The following ADGRE3 variants were observed in gnomAD, a reference collection of about 807,000 sequenced individuals.
The protein encoded by ADGRE3 is adhesion G protein-coupled receptor E3, also known as EGF-like module receptor 3.
ADGRE3 carries 88 observed loss-of-function variants against 80.1 expected under a neutral mutation model. The ratio of observed to expected loss-of-function variants is 1.10; its 90% CI spans 0.93 to 1.31. The LOEUF (loss-of-function observed/expected upper bound fraction) is 1.31. Ranked by LOEUF, ADGRE3 falls within the 40% of genes most tolerant of loss-of-function variation. The probability of loss-of-function intolerance (pLI) is 0.00; values close to 1 mark genes in which losing one functional copy is unlikely to be tolerated. For missense variants in ADGRE3, 715 were observed against 776.5 expected (o/e 0.92, Z 0.94); for synonymous variants, 281 against 294.8 (o/e 0.95, Z 0.48).
Position 14,638,040 on chromosome 19 carries a change from T to C in ADGRE3, c.1484+65A>G, listed in dbSNP as rs930499659. ...GTTACGTATATTCCCACCATCATCATGAATGCTGCCCTCAAAAGCTTTCTT... is the reference window on the plus strand; with the variant it reads ...GTTACGTATATTCCCACCATCATCACGAATGCTGCCCTCAAAAGCTTTCTT... On this transcript the variant is annotated intron_variant, in intron 11 of 15. Transcript: ENST00000253673. The C allele has an allele frequency of 5.1e-6, 6 of 1,172,038 alleles. No homozygotes were observed. In the African/African-American group the frequency reaches 6.0e-5, roughly 12 times the overall value. 72.6% of individuals were successfully genotyped at this position (1,172,038 alleles called of 1,614,324 possible). A position where few individuals can be genotyped will look rare whatever the true frequency, so the allele number is the denominator to read the frequency against.
the ADGRE3 span, among the ~76,000 whole-genome samples, chr19:14,609,188 C>T: frequency 9.9e-5 from 15 of 152,268 alleles, no homozygotes; most frequent in African/African-American, 3.6e-4. Context: ...AGACACTACC[C>T]AACTCCACTG....
Position 14,662,086 on chromosome 19 carries a change from A to G in ADGRE3, c.232T>C (p.Tyr78His). 6.2e-7 allele frequency: 1 copy of G among 1,614,186 alleles called. No individual in the cohort carries two copies. Among genetic ancestry groups the G allele is most frequent in the Non-Finnish European group, 8.5e-7 (1 of 1,180,020 alleles). Residue 78 changes from tyrosine to histidine, a missense_variant, in exon 4 of 16, where the codon TAT (tyrosine) becomes CAT (histidine). Tyr to His is a moderately conservative substitution (Grantham distance 83). Transcript: ENST00000253673. The stretch of plus-strand genomic sequence containing the variant: ...TAACACACAGCGTTAAATCCACAAT[A>G]TACACTATAGGGTGGTGTACATTCA... ...INECTPPYSV[Y>H]CGFNAVCYNV...
the ADGRE3 span, among the ~76,000 whole-genome samples, chr19:14,611,472 G>A: frequency 4.0e-5 from 6 of 150,318 alleles, no homozygotes; most frequent in East Asian, 1.2e-3. Context: ...CTGCCTCCTG[G>A]GCTCGAGTGA....
At chr19:14,606,903 C>A in the ADGRE3 span, 1 of 535,124 alleles carries the variant, frequency 1.9e-6, no homozygotes, top group Non-Finnish European at 2.8e-6. Flanking sequence ...CGTTCCCAAG[C>A]CCTAAATATG....
At chr19:14,637,442 G>A (rs144560687) in intron 11 of ADGRE3, among the ~76,000 whole-genome samples, 1 of 149,514 alleles carries the variant, frequency 6.7e-6, no homozygotes, top group African/African-American at 2.5e-5. Flanking sequence ...CACCCAGGCT[G>A]GAATGTAGTG....
rs1015180201 is a variant in ADGRE3, at chr19:14,644,329, T to C, written c.883-54A>G. ...TGTCTTTGTCTTTCTTTCTTTCTTT[T>C]TTTTTTTTGGAGACAAAATCTTGCT... On this transcript the variant is annotated intron_variant, in intron 8 of 15. Transcript: ENST00000253673. 8 of 1,331,588 alleles carry C rather than the reference T, an allele frequency of 6.0e-6. No homozygotes were observed. The African/African-American group carries it at 6.1e-5, about 10-fold the overall frequency. The allele number at this position is 1,331,588 out of a possible 1,614,324, so 82.5% of individuals were successfully genotyped here.
rs201992517 is a variant in ADGRE3, at chr19:14,638,379, G to T, written c.1249-39C>A. 1.7e-4 allele frequency: 258 copies of T among 1,503,266 alleles called. 2 individuals carry two copies. The highest frequency in any genetic ancestry group is 6.8e-4 in the Middle Eastern group (4 of 5,862). The allele number at this position is 1,503,266 out of a possible 1,614,324, so 93.1% of individuals were successfully genotyped here. On this transcript the variant is annotated intron_variant, in intron 10 of 15. Coordinates refer to ENST00000253673, the MANE Select transcript of ADGRE3 (RefSeq NM_032571.5). Reference sequence around the variant, plus strand: ...AAGGGATGCCTGAAGGGGTTGTCAGGGTGGAGTATGGCCCTAGGACCTCTC... The same window carrying T: ...AAGGGATGCCTGAAGGGGTTGTCAGTGTGGAGTATGGCCCTAGGACCTCTC...
the ADGRE3 span, among the ~76,000 whole-genome samples, chr19:14,611,853 A>G: frequency 6.6e-6 from 1 of 152,010 alleles, no homozygotes; most frequent in African/African-American, 2.4e-5. Context: ...AATACAAAAA[A>G]ATTAGCTGGG....
intron 2 of ADGRE3, among the ~76,000 whole-genome samples, chr19:14,667,181 G>A (rs1001704139): frequency 6.6e-6 from 1 of 152,098 alleles, no homozygotes; most frequent in African/African-American, 2.4e-5. Flanking sequence ...AGGAAATGTG[G>A]CTGCTGGTGG....
chr19:14,657,392 G>C (rs925887251), intron 5 of ADGRE3, among the ~76,000 whole-genome samples: 1 of 152,060 alleles, frequency 6.6e-6, no homozygotes, highest in Non-Finnish European at 1.5e-5. Flanking sequence ...TTTTGCAGCA[G>C]TGCAGCAGGC....
chr19:14,608,257 C>T, the ADGRE3 span, among the ~76,000 whole-genome samples: 1 of 152,148 alleles, frequency 6.6e-6, no homozygotes, highest in Admixed American at 6.6e-5. Flanking sequence ...TTCTGCTGCC[C>T]CTTGGACTTC....
chr19:14,654,420 A>G (rs1276794628), intron 6 of ADGRE3, among the ~76,000 whole-genome samples: 1 of 151,538 alleles, frequency 6.6e-6, no homozygotes, highest in Admixed American at 6.6e-5. Flanking sequence ...AAGCCACTGC[A>G]CCTGGCAAAT....
At chr19:14,603,736 G>C in the ADGRE3 span, among the ~76,000 whole-genome samples, 2 of 152,052 alleles carry the variant, frequency 1.3e-5, no homozygotes, top group Non-Finnish European at 2.9e-5. Flanking sequence ...GAAGTGCCGG[G>C]ATTACAGGAG....
At chr19:14,633,723 T>TAAA (rs1320513235) in intron 11 of ADGRE3, among the ~76,000 whole-genome samples, 4 of 128,100 alleles carry the variant, frequency 3.1e-5, no homozygotes, top group East Asian at 2.3e-4. Context: ...TAAAATAAAA[T>TAAA]AAAATAAAAT....
In ADGRE3 at chr19:14,655,000, T is replaced by C; in HGVS notation, c.559A>G (p.Ile187Val). The stretch of plus-strand genomic sequence containing the variant: ...GTCTTACCTACACTATCGTTTTGGA[T>C]TTTCAGGACTTTTTGTTCTGGATCT... ...LKDPEQKVLK[I>V]QNDSVAIETQ... is the part of the protein sequence containing the mutation. Residue 187 changes from isoleucine (I) to valine (V), a missense_variant, in exon 6 of 16, where the codon ATC becomes GTC. Physicochemically the swap from Ile to Val is conservative, Grantham distance 29. Coordinates refer to ENST00000253673, the MANE Select transcript of ADGRE3 (RefSeq NM_032571.5). 2.5e-6 allele frequency: 4 copies of C among 1,613,990 alleles called. No homozygotes were observed. In the Admixed American group the frequency reaches 6.7e-5, roughly 27 times the overall value.
In ADGRE3 at chr19:14,651,071, GC is replaced by G; in HGVS notation, c.697+13del. On this transcript the variant is annotated intron_variant, in intron 7 of 15. Transcript: ENST00000253673. ...CTCTGTGTGAAGGATTCTGAATGCA[GC>G]CATCAGGCATACCTTGTGTGTCTCC... The G allele has an allele frequency of 6.2e-7, 1 of 1,613,854 alleles. No homozygotes were observed. The highest frequency in any genetic ancestry group is 1.3e-5 in the African/African-American group (1 of 75,004).
intron 2 of ADGRE3, among the ~76,000 whole-genome samples, chr19:14,664,017 G>T (rs1378567203): frequency 6.6e-6 from 1 of 151,962 alleles, no homozygotes; most frequent in African/African-American, 2.4e-5. Context: ...GCCTCTCAAG[G>T]CTGAGGAAGC....
intron 15 of ADGRE3, among the ~76,000 whole-genome samples, chr19:14,624,892 A>T (rs2396575): frequency 0.49 from 74,247 of 151,730 alleles, 19,087 homozygotes; most frequent in South Asian, 0.62. Flanking sequence ...GGACACAGGG[A>T]GGGGAACAAC....
chr19:14,636,057 CTTCCT>C lies in ADGRE3; in HGVS notation c.1484+2043_1484+2047del, dbSNP rs1555755758. 4.9e-4 allele frequency among the ~76,000 whole-genome samples: 31 copies of C among 63,680 alleles called. 1 individual carries two copies. The highest frequency in any genetic ancestry group is 8.5e-4 in the Admixed American group (5 of 5,848). The allele number at this position is 63,680 out of a possible 152,430, so 41.8% of individuals were successfully genotyped here. On this transcript the variant is annotated intron_variant, in intron 11 of 15. Transcript: ENST00000253673. ...CCTTCCTTCCTTCCTTCCTTCCTTC[CTTCCT>C]TTCCTTTCCTTTCCTTTCCCTTTCT... is the stretch of plus-strand genomic sequence containing the variant.
Sources: allele counts gnomAD v4.1 joint callset (sites outside exome capture counted in the v4.1 genomes callset), GRCh38; gene constraint gnomAD v4.1.1; transcripts MANE v1.5; gene names NCBI Gene and HGNC (gene_info 2026-07-23, HGNC 2026-07-21).